Variants in C7 observed in about 807,000 individuals in gnomAD.
C7 encodes the protein complement C7, also known as complement component C7.
C7 carries 83 observed loss-of-function variants against 104.8 expected under a neutral mutation model. The observed-to-expected ratio is 0.79, with a 90% CI of 0.66 to 0.95. The LOEUF is 0.95. Ranked by LOEUF, C7 falls within the 40% of genes least tolerant of loss-of-function variation. The pLI is 0.00. For missense variants in C7, 1,070 were observed against 1,011.2 expected (o/e 1.06, Z -0.79); for synonymous variants, 415 against 360.6 (o/e 1.15, Z -1.71).
chr5:40,919,493 G>C (rs1212580222), intron 1 of C7, among the ~76,000 whole-genome samples: 1 of 152,112 alleles, frequency 6.6e-6, no homozygotes, highest in Non-Finnish European at 1.5e-5. Flanking sequence ...TAGGTGTCAT[G>C]TTATGCACCT....
At chr5:40,921,589 A>G (rs1207560286) in intron 1 of C7, among the ~76,000 whole-genome samples, 1 of 134,896 alleles carries the variant, frequency 7.4e-6, no homozygotes, top group Non-Finnish European at 1.5e-5. Context: ...ATTAAAAAAA[A>G]CAAAAGTAGT....
Position 40,972,410 on chromosome 5 carries a change from C to T in C7, c.1890C>T (p.Ala630=), listed in dbSNP as rs1740719010. ...GCTCTCTTTTATCTTTAGAAATTGC[C>T]TGTGTTCTACCTGTACTGATGGATG... ...LVGEMHCQKI[A]CVLPVLMDGI... is the part of the protein sequence containing the mutation. Residue 630 remains alanine (A), a synonymous_variant, in exon 15 of 18, where the codon GCC becomes GCT. Coordinates refer to ENST00000313164, the MANE Select transcript of C7 (RefSeq NM_000587.4). 6.2e-7 allele frequency: 1 copy of T among 1,613,730 alleles called. No homozygotes were observed. The highest frequency in any genetic ancestry group is 8.5e-7 in the Non-Finnish European group (1 of 1,179,692).
At chr5:40,912,497 G>C (rs1396929296) in intron 1 of C7, among the ~76,000 whole-genome samples, 1 of 151,822 alleles carries the variant, frequency 6.6e-6, no homozygotes, top group Non-Finnish European at 1.5e-5. Flanking sequence ...TCCCACCTTA[G>C]TCTTCTGAGT....
At chr5:40,926,162 T>G (rs1326793945) in intron 1 of C7, among the ~76,000 whole-genome samples, 2 of 152,234 alleles carry the variant, frequency 1.3e-5, no homozygotes, top group African/African-American at 4.8e-5. Flanking sequence ...AAAAACTATA[T>G]GATCATCTTG....
intron 1 of C7, among the ~76,000 whole-genome samples, chr5:40,922,294 G>A (rs558076621): frequency 3.8e-5 from 5 of 132,920 alleles, no homozygotes; most frequent in South Asian, 2.5e-4. Flanking sequence ...AGAAATGCTT[G>A]AACCCAGGAG....
intron 9 of C7, among the ~76,000 whole-genome samples, chr5:40,952,958 TG>T (rs1377744957): frequency 1.3e-5 from 2 of 152,108 alleles, no homozygotes; most frequent in African/African-American, 2.4e-5. Flanking sequence ...GACGCTTACC[TG>T]GGGGATTCTC....
intron 1 of C7, among the ~76,000 whole-genome samples, chr5:40,923,955 C>G (rs1339272103): frequency 6.6e-6 from 1 of 151,944 alleles, no homozygotes; most frequent in African/African-American, 2.4e-5. Context: ...CTATACCATT[C>G]CACCCCTGGC....
Position 40,947,826 on chromosome 5 carries a change from A to G in C7, c.963A>G (p.Ser321=). The G allele has an allele frequency of 3.7e-6, 6 of 1,611,420 alleles. No homozygotes were observed. Among genetic ancestry groups the G allele is most frequent in the Non-Finnish European group, 5.1e-6 (6 of 1,179,234 alleles). Residue 321 remains serine (S), a synonymous_variant, in exon 8 of 18, where the codon TCA becomes TCG. Coordinates refer to ENST00000313164, the MANE Select transcript of C7 (RefSeq NM_000587.4). The part of the protein sequence containing the change: ...GEYRVLFYVD[S]EKLKQNDFNS... ...ACAGAGTTCTATTTTATGTGGACTC[A>G]GAAAAATTAAAACAAAATGGTACAG...
At chr5:40,971,803 A>G (rs1463882621) in intron 14 of C7, among the ~76,000 whole-genome samples, 2 of 152,098 alleles carry the variant, frequency 1.3e-5, no homozygotes, top group African/African-American at 4.8e-5. Context: ...TTTTCTGCAT[A>G]TGGCTTGCCG....
At chr5:40,950,930 T>G (rs1251412124) in intron 9 of C7, among the ~76,000 whole-genome samples, 1 of 152,164 alleles carries the variant, frequency 6.6e-6, no homozygotes, top group East Asian at 1.9e-4. Context: ...GAGGGTACCA[T>G]GTTAAGGAGT....
chr5:40,945,261 A>G lies in C7; in HGVS notation c.631A>G (p.Thr211Ala), dbSNP rs1740021119. The G allele has an allele frequency of 6.3e-7, 1 of 1,578,602 alleles. No homozygotes were observed. The highest frequency in any genetic ancestry group is 8.6e-7 in the Non-Finnish European group (1 of 1,158,110). Residue 211 changes from threonine (T) to alanine (A), a missense_variant, in exon 7 of 18, where the codon ACG becomes GCG. Thr to Ala is a moderately conservative substitution (Grantham distance 58). Transcript: ENST00000313164. ...YNSTWSYVKH[T>A]STEHTSSSRK... Reference sequence around the variant, plus strand: ...TAGTACTTGGTCTTATGTAAAACATACGTCGACAGAACACACATCATCTAG... The same window carrying G: ...TAGTACTTGGTCTTATGTAAAACATGCGTCGACAGAACACACATCATCTAG...
At chr5:40,922,900 A>G (rs1263562113) in intron 1 of C7, among the ~76,000 whole-genome samples, 2 of 152,196 alleles carry the variant, frequency 1.3e-5, no homozygotes, top group Admixed American at 1.3e-4. Context: ...GAAACAGCAT[A>G]GATCAATGGT....
At chr5:40,961,383 C>A (rs1210975082) in intron 12 of C7, among the ~76,000 whole-genome samples, 3 of 145,104 alleles carry the variant, frequency 2.1e-5, no homozygotes, top group African/African-American at 7.8e-5. Context: ...ACTCTAATTA[C>A]CTTCTTCTTT....
chr5:40,953,822 T>C (rs1331903409), intron 9 of C7, among the ~76,000 whole-genome samples: 1 of 39,496 alleles, frequency 2.5e-5, no homozygotes, highest in African/African-American at 5.1e-5. Flanking sequence ...TTACACATTC[T>C]ATGCATGTAT....
intron 7 of C7, among the ~76,000 whole-genome samples, chr5:40,946,686 C>T (rs1740056827): frequency 1.3e-5 from 2 of 152,062 alleles, no homozygotes; most frequent in Non-Finnish European, 2.9e-5. Flanking sequence ...ATTTTATATA[C>T]TTATATTTAT....
chr5:40,972,187 GGGGAGCTGTTTT>G, intron 14 of C7: 1 of 581,700 alleles, frequency 1.7e-6, no homozygotes, highest in African/African-American at 1.9e-5. Context: ...GGTGGGAGAG[GGGGAGCTGTTTT>G]GGTTTTTAGA....
intron 5 of C7, 25 bp downstream of exon 5, chr5:40,936,510 G>A (rs369816131): frequency 1.9e-6 from 3 of 1,597,612 alleles, no homozygotes; most frequent in Non-Finnish European, 2.6e-6. Context: ...AGCCTCCTGA[G>A]TACATCAGTG....
intron 14 of C7, chr5:40,967,655 C>T (rs910415332): frequency 1.5e-5 from 3 of 198,044 alleles, no homozygotes; most frequent in African/African-American, 4.7e-5. Context: ...TCCTGTATCA[C>T]CAAGCATTTC....
chr5:40,937,441 G>T, intron 5 of C7, 111 bp from the exon 6 acceptor site: 2 of 1,040,850 alleles, frequency 1.9e-6, no homozygotes, highest in Admixed American at 2.7e-5. Context: ...TAAGTGTAAT[G>T]CATTTTAAGA....
Sources: allele counts gnomAD v4.1 joint callset (sites outside exome capture counted in the v4.1 genomes callset), GRCh38; gene constraint gnomAD v4.1.1; transcripts MANE v1.5; gene names NCBI Gene and HGNC (gene_info 2026-07-23, HGNC 2026-07-21).